Variants in MIER2 observed in about 807,000 individuals in gnomAD.
The protein encoded by MIER2 is mesoderm induction early response protein 2.
MIER2 carries 30 observed loss-of-function variants against 67.6 expected under a neutral mutation model. That is an observed-to-expected ratio of 0.44 (90% CI 0.33 to 0.60). The LOEUF (loss-of-function observed/expected upper bound fraction) is 0.60. Ranked by LOEUF, MIER2 falls within the 20% of genes least tolerant of loss-of-function variation. The pLI is 0.02. For synonymous variants in MIER2, 372 were observed against 312.6 expected (o/e 1.19, Z -2.00); for missense variants, 702 against 745.1 (o/e 0.94, Z 0.67).
intron 12 of MIER2, among the ~76,000 whole-genome samples, 190 bp from the exon 13 acceptor site, chr19:307,726 T>C (rs879791569): frequency 1.3e-4 from 19 of 142,222 alleles, no homozygotes; most frequent in African/African-American, 4.5e-4. Context: ...GCTTTAGAAG[T>C]AGATTTTAGT....
intron 7 of MIER2, among the ~76,000 whole-genome samples, chr19:319,025 C>A (rs1971382715): frequency 6.7e-6 from 1 of 148,662 alleles, no homozygotes; most frequent in South Asian, 2.2e-4. Context: ...CCACTGCACT[C>A]CAGCCTGGGC....
chr19:337,959 G>A (rs1195501089), intron 1 of MIER2, among the ~76,000 whole-genome samples: 1 of 151,132 alleles, frequency 6.6e-6, no homozygotes, highest in African/African-American at 2.4e-5. Flanking sequence ...AGATCACGAG[G>A]TCAGCAGATG....
At chr19:325,559 C>A in intron 7 of MIER2, 76 bp downstream of exon 7, 1 of 1,549,922 alleles carries the variant, frequency 6.5e-7, no homozygotes, top group Non-Finnish European at 8.9e-7. Context: ...ACCAGACTGT[C>A]CAAGGATCTG....
rs1970709955 is a variant in MIER2 at position 307,503 on chromosome 19, A to C, written c.1232T>G (p.Leu411Arg). The stretch of plus-strand genomic sequence containing the variant: ...ATCAGAGGCCACTCCGGGCTCATCG[A>C]GACCACCGGCCGTGCCATCCACGCT... Reference protein sequence around the residue: ...PLSVDGTAGGLDEPGVASDGL... With the variant: ...PLSVDGTAGGRDEPGVASDGL... The change falls in exon 13 of 14, where the codon CTC becomes CGC. Residue 411 changes from leucine (L) to arginine (R), a missense_variant. Transcript: ENST00000264819. The C allele has an allele frequency of 6.6e-7, 1 of 1,519,564 alleles. No individual in the cohort carries two copies. The highest frequency in any genetic ancestry group is 8.8e-7 in the Non-Finnish European group (1 of 1,138,914). The allele number at this position is 1,519,564 out of a possible 1,614,324, so 94.1% of individuals were successfully genotyped here. A position where few individuals can be genotyped will look rare whatever the true frequency, so the allele number is the denominator to read the frequency against.
rs200171246 is a variant in MIER2, at chr19:308,582, C to A, written c.1193G>T (p.Arg398Leu). The A allele has an allele frequency of 6.2e-7, 1 of 1,600,838 alleles. No individual in the cohort carries two copies. Among genetic ancestry groups the A allele is most frequent in the Admixed American group, 1.7e-5 (1 of 58,170 alleles). Residue 398 changes from arginine to leucine, a missense_variant, in exon 12 of 14, where the codon CGC becomes CTC. Arg to Leu is a moderately radical substitution (Grantham distance 102). This residue lies in a region of MIER2 where 254 missense variants were observed against 262.8 expected (regional missense o/e 0.97). Transcript: ENST00000264819. This position sits in a 1 kb window ranked among gnomAD's most constrained non-coding sequence, Gnocchi z 9.1. ...RPEQDTLTGM[R>L]TDPLSVDGTA... The stretch of plus-strand genomic sequence containing the variant: ...AGATACTCCCCAAGCCTCACCTGTG[C>A]GCATCCCAGTCAGGGTGTCTTGCTC...
intron 3 of MIER2, 103 bp from the exon 4 acceptor site, chr19:328,092 C>G (rs1971848544): frequency 1.3e-6 from 2 of 1,494,756 alleles, no homozygotes; most frequent in African/African-American, 2.8e-5. Context: ...CAGGGCCACT[C>G]TGTCACACCC....
Position 307,496 on chromosome 19 carries a change from C to A in MIER2, c.1239G>T (p.Glu413Asp), listed in dbSNP as rs901215583. 8.5e-6 allele frequency: 13 copies of A among 1,522,586 alleles called. No homozygotes were observed. Among genetic ancestry groups the A allele is most frequent in the Middle Eastern group, 1.8e-4 (1 of 5,658 alleles). The allele number at this position is 1,522,586 out of a possible 1,614,324, so 94.3% of individuals were successfully genotyped here. A position where few individuals can be genotyped will look rare whatever the true frequency, so the allele number is the denominator to read the frequency against. Reference protein sequence around the residue: ...SVDGTAGGLDEPGVASDGLPS... With the variant: ...SVDGTAGGLDDPGVASDGLPS... The stretch of plus-strand genomic sequence containing the variant: ...GGAGTCCATCAGAGGCCACTCCGGG[C>A]TCATCGAGACCACCGGCCGTGCCAT... The change falls in exon 13 of 14, where the codon GAG (glutamate) becomes GAT (aspartate). Residue 413 changes from glutamate (E) to aspartate (D), a missense_variant. Glu to Asp is a conservative substitution (Grantham distance 45). Around this residue, in one of 3 missense-constraint regions of MIER2, gnomAD observed 254 missense variants for 262.8 expected, o/e 0.97. Coordinates refer to ENST00000264819, the MANE Select transcript of MIER2 (RefSeq NM_017550.3).
In MIER2 at chr19:308,883, G is replaced by A. The variant is rs1255675776; in HGVS notation, c.1027C>T (p.Leu343=). 4 of 1,611,368 alleles carry A rather than the reference G, an allele frequency of 2.5e-6. No homozygotes were observed. The highest frequency in any genetic ancestry group is 1.3e-5 in the African/African-American group (1 of 74,864). ...SVGECVEYYY[L]WKKSERYDYF... is the part of the protein sequence containing the mutation. ...TCGTAGCGCTCCGACTTCTTCCACA[G>A]GTAGTAGTACTCGACACACTCGCCC... Residue 343 remains leucine (L), a synonymous_variant, in exon 11 of 14, where the codon CTG becomes TTG. Transcript: ENST00000264819. The surrounding 1 kb of genome is among the most constrained non-coding windows in gnomAD (Gnocchi z 9.1).
At chr19:338,148 G>A (rs1343670883) in intron 1 of MIER2, among the ~76,000 whole-genome samples, 1 of 136,858 alleles carries the variant, frequency 7.3e-6, no homozygotes, top group Non-Finnish European at 1.5e-5. Context: ...CTCCAGCCTG[G>A]CAATACAGCA....
Position 305,675 on chromosome 19 carries a change from C to T in MIER2, c.*1015G>A, listed in dbSNP as rs1282555892. Reference sequence around the variant, plus strand: ...TGGTGGGGTGAGGGATGGTCGAGTCCAACTCGGAAAGGGGCTCGAGCACAA... The same window carrying T: ...TGGTGGGGTGAGGGATGGTCGAGTCTAACTCGGAAAGGGGCTCGAGCACAA... On this transcript the variant is annotated 3_prime_UTR_variant, in exon 14 of 14. Transcript: ENST00000264819. 6.6e-6 allele frequency: 1 copy of T among 152,630 alleles called. No individual in the cohort carries two copies. Among genetic ancestry groups the T allele is most frequent in the African/African-American group, 2.4e-5 (1 of 41,566 alleles). 9.5% of individuals were successfully genotyped at this position (152,630 alleles called of 1,614,324 possible). A position where few individuals can be genotyped will look rare whatever the true frequency, so the allele number is the denominator to read the frequency against.
intron 6 of MIER2, among the ~76,000 whole-genome samples, 173 bp from the exon 7 acceptor site, chr19:325,877 G>A (rs1406655045): frequency 6.6e-6 from 1 of 152,246 alleles, no homozygotes. Context: ...GTGGGAGGCA[G>A]AGGCCTGGGT....
chr19:321,598 T>C (rs996936181), intron 7 of MIER2, among the ~76,000 whole-genome samples: 2 of 151,906 alleles, frequency 1.3e-5, no homozygotes, highest in South Asian at 2.1e-4. Flanking sequence ...GAGCTGAGAT[T>C]ATGCCACTGC....
At chr19:309,069 A>G in intron 10 of MIER2, 144 bp from the exon 11 acceptor site, 1 of 1,183,594 alleles carries the variant, frequency 8.4e-7, no homozygotes. Flanking sequence ...AGACCCCCCG[A>G]CCCATGACCC....
At chr19:338,086 C>G (rs994710153) in intron 1 of MIER2, among the ~76,000 whole-genome samples, 9 of 129,966 alleles carry the variant, frequency 6.9e-5, no homozygotes, top group African/African-American at 2.3e-4. Context: ...GCAGGAGGAT[C>G]GCTTGAACCC....
chr19:323,775 C>CCA (rs1322083745), intron 7 of MIER2, among the ~76,000 whole-genome samples: 2 of 151,100 alleles, frequency 1.3e-5, no homozygotes, highest in African/African-American at 4.9e-5. Context: ...ACACACACAA[C>CCA]CACAGACAAC....
At chr19:316,685 C>T (rs1971249868) in intron 7 of MIER2, among the ~76,000 whole-genome samples, 1 of 152,202 alleles carries the variant, frequency 6.6e-6, no homozygotes, top group Admixed American at 6.5e-5. Flanking sequence ...GTACTTATTT[C>T]AAGCTGTGAG....
At chr19:326,682 C>T (rs1971768351) in intron 5 of MIER2, 84 bp from the exon 6 acceptor site, 2 of 1,078,234 alleles carry the variant, frequency 1.9e-6, no homozygotes, top group South Asian at 1.3e-5. Context: ...CATTCTCCAT[C>T]CACCTGATCC....
Position 306,842 on chromosome 19 carries a change from G to A in MIER2, c.1617-131C>T, listed in dbSNP as rs552669869. ...CCCACAGCCTATGGCAGCCGGGCCC[G>A]GGGTGCCCTGAGGGGAGCTGGTGGC... On this transcript the variant is annotated intron_variant, in intron 13 of 13. Coordinates refer to ENST00000264819, the MANE Select transcript of MIER2 (RefSeq NM_017550.3). 497 of 1,427,662 alleles carry A rather than the reference G, an allele frequency of 3.5e-4. 1 individual carries two copies. In the Middle Eastern group the frequency reaches 3.9e-3, roughly 11 times the overall value. 88.4% of individuals were successfully genotyped at this position (1,427,662 alleles called of 1,614,324 possible).
chr19:317,672 G>A (rs763412736), intron 7 of MIER2, among the ~76,000 whole-genome samples: 7 of 149,570 alleles, frequency 4.7e-5, no homozygotes, highest in African/African-American at 9.8e-5. Flanking sequence ...GGAGGTTGCC[G>A]TGAAGTAAGA....
Sources: gnomAD v4.1 joint callset for allele counts (sites outside exome capture counted in the v4.1 genomes callset) on GRCh38, gnomAD v4.1.1 for gene constraint, gnomAD v4.1.1 regional missense constraint, Gnocchi (gnomAD v3.1) non-coding constraint, MANE v1.5 for transcripts, NCBI Gene and HGNC (gene_info 2026-07-23, HGNC 2026-07-21) for gene names.